The following ALG1 variants were observed in gnomAD, a reference collection of about 807,000 sequenced individuals.
ALG1 encodes the protein ALG1 chitobiosyldiphosphodolichol beta-mannosyltransferase, also known as chitobiosyldiphosphodolichol beta-mannosyltransferase.
Under a neutral mutation model 55.1 loss-of-function variants are expected in ALG1, and 58 were observed. The observed-to-expected ratio is 1.05, with a 90% CI of 0.85 to 1.31. ALG1 has a LOEUF of 1.31. ALG1 is among the 50% of genes most tolerant of loss of function. The pLI is 0.00. For missense variants in ALG1, 761 were observed against 598.6 expected (o/e 1.27, Z -2.83); for synonymous variants, 309 against 247.0 (o/e 1.25, Z -2.35).
Position 5,078,504 on chromosome 16 carries a change from GGAT to G in ALG1, c.741-249_741-247del, listed in dbSNP as rs1956955867. ...CCTGCACCCTCATCTTGAGTCCAGG[GGAT>G]GATAAGACAGTAAGTCCCGTGGAGA... On this transcript the variant is annotated intron_variant, in intron 6 of 12. Coordinates refer to ENST00000262374, the MANE Select transcript of ALG1 (RefSeq NM_019109.5). 3 of 725,744 alleles carry G rather than the reference GGAT, an allele frequency of 4.1e-6. No homozygotes were observed. In the East Asian group the frequency reaches 8.8e-5, roughly 21 times the overall value. 45.0% of individuals were successfully genotyped at this position (725,744 alleles called of 1,614,324 possible). A position where few individuals can be genotyped will look rare whatever the true frequency, so the allele number is the denominator to read the frequency against.
intron 3 of ALG1, among the ~76,000 whole-genome samples, chr16:5,073,667 G>C (rs1156289877): frequency 6.6e-6 from 1 of 152,254 alleles, no homozygotes; most frequent in African/African-American, 2.4e-5. Context: ...TAGGTCGTCA[G>C]TGTGGTTCTA....
rs865826964 is a variant in ALG1 at position 5,078,702 on chromosome 16, C to A, written c.741-55C>A. 1.9e-6 allele frequency: 3 copies of A among 1,611,700 alleles called. No individual in the cohort carries two copies. The African/African-American group carries it at 4.0e-5, about 22-fold the overall frequency. ...CTCGCCACGGCAGGAGATGCCTCTCCTGGGTCCCGGGCCTGCTCTATGGCC... is the reference window on the plus strand; with the variant it reads ...CTCGCCACGGCAGGAGATGCCTCTCATGGGTCCCGGGCCTGCTCTATGGCC... On this transcript the variant is annotated intron_variant, in intron 6 of 12. Transcript: ENST00000262374.
Position 5,085,789 on chromosome 16 carries a change from G to T in ALG1, c.*908G>T. 7.6e-7 allele frequency: 1 copy of T among 1,322,156 alleles called. No individual in the cohort carries two copies. The highest frequency in any genetic ancestry group is 1.1e-6 in the Non-Finnish European group (1 of 915,898). The allele number at this position is 1,322,156 out of a possible 1,614,324, so 81.9% of individuals were successfully genotyped here. On this transcript the variant is annotated 3_prime_UTR_variant, in exon 13 of 13. Transcript: ENST00000262374. ...CGGTGTTTGGGGACAGGACATGAGG[G>T]TATTGTGTGGGGCTGCTAGGACAGG...
Position 5,085,926 on chromosome 16 carries a change from T to A in ALG1, c.*1045T>A, listed in dbSNP as rs1287937228. 2.6e-5 allele frequency among the ~76,000 whole-genome samples: 4 copies of A among 152,168 alleles called. No homozygotes were observed. Among genetic ancestry groups the A allele is most frequent in the African/African-American group, 9.7e-5 (4 of 41,430 alleles). The stretch of plus-strand genomic sequence containing the variant: ...ATGGGACCAGAAAGCTGGTTTTGCA[T>A]AGAAATGGCTAGCAGCAGGCACCGT... On this transcript the variant is annotated 3_prime_UTR_variant, in exon 13 of 13. Coordinates refer to ENST00000262374, the MANE Select transcript of ALG1 (RefSeq NM_019109.5).
chr16:5,072,187 G>T (rs1011783549), intron 1 of ALG1, 130 bp downstream of exon 1: 5 of 1,402,506 alleles, frequency 3.6e-6, no homozygotes, highest in Non-Finnish European at 3.7e-6. Context: ...GAGATTAGAC[G>T]AGCGGTTCTG....
rs143906919 is a variant in ALG1 at position 5,078,780 on chromosome 16, C to G, written c.764C>G (p.Thr255Arg). ...RARSEPEDPVTERSAFTERDA... is the reference protein window; with the variant it reads ...RARSEPEDPVRERSAFTERDA... ...AGCTCAGAACCTGAGGACCCAGTCACGGAGCGGTCGGCCTTCACGGAGCGG... is the reference window on the plus strand; with the variant it reads ...AGCTCAGAACCTGAGGACCCAGTCAGGGAGCGGTCGGCCTTCACGGAGCGG... Residue 255 changes from threonine to arginine, a missense_variant, in exon 7 of 13, where the codon ACG (threonine) becomes AGG (arginine). Coordinates refer to ENST00000262374, the MANE Select transcript of ALG1 (RefSeq NM_019109.5). 9 of 1,612,900 alleles carry G rather than the reference C, an allele frequency of 5.6e-6. No homozygotes were observed. The East Asian group carries it at 2.0e-4, about 36-fold the overall frequency.
rs1450811219 is a variant in ALG1 at position 5,085,272 on chromosome 16, G to GC, written c.*391_*392insC. 2 of 492,782 alleles carry GC rather than the reference G, an allele frequency of 4.1e-6. No homozygotes were observed. Among genetic ancestry groups the GC allele is most frequent in the African/African-American group, 3.9e-5 (2 of 51,594 alleles). The allele number at this position is 492,782 out of a possible 1,614,324, so 30.5% of individuals were successfully genotyped here. A position where few individuals can be genotyped will look rare whatever the true frequency, so the allele number is the denominator to read the frequency against. On this transcript the variant is annotated 3_prime_UTR_variant, in exon 13 of 13. Coordinates refer to ENST00000262374, the MANE Select transcript of ALG1 (RefSeq NM_019109.5). ...AGCACCTGCTGCACCGTAAGCCCAG[G>GC]GATGTGGCAGCTGCAGTGGGCTTGG...
At chr16:5,073,326 C>A in intron 3 of ALG1, 70 bp downstream of exon 3, 1 of 1,357,788 alleles carries the variant, frequency 7.4e-7, no homozygotes, top group Non-Finnish European at 1.0e-6. Context: ...CAAATTGGTA[C>A]TATATTGCAT....
intron 4 of ALG1, among the ~76,000 whole-genome samples, chr16:5,076,659 G>A (rs1041916169): frequency 6.6e-6 from 1 of 152,212 alleles, no homozygotes; most frequent in Non-Finnish European, 1.5e-5. Context: ...CTCAGTCTCC[G>A]TTAGGAGAGA....
chr16:5,077,811 TC>T, intron 5 of ALG1, 95 bp from the exon 6 acceptor site: 1 of 1,214,018 alleles, frequency 8.2e-7, no homozygotes, highest in Non-Finnish European at 1.2e-6. Flanking sequence ...AGACTTGGAT[TC>T]CCCAAGCGTC....
rs1957129807 is a variant in ALG1 at position 5,085,623 on chromosome 16, G to A, written c.*742G>A. 1.3e-6 allele frequency: 2 copies of A among 1,571,626 alleles called. No homozygotes were observed. Among genetic ancestry groups the A allele is most frequent in the Non-Finnish European group, 1.7e-6 (2 of 1,143,084 alleles). On this transcript the variant is annotated 3_prime_UTR_variant, in exon 13 of 13. Transcript: ENST00000262374. ...ATTCTCACAATCCCGTTGGAGTCGT[G>A]TGTGAGTCCTACAGGGTGAGATTCA...
intron 3 of ALG1, 33 bp downstream of exon 3, chr16:5,073,289 G>A (rs770192033): frequency 8.8e-6 from 14 of 1,585,286 alleles, no homozygotes; most frequent in Non-Finnish European, 1.1e-5. Flanking sequence ...CTCTGTGAGA[G>A]CCATGTTAGC....
rs772634565 is a variant in ALG1, at chr16:5,071,989, C to T, written c.140C>T (p.Pro47Leu). ...AVVLGDVGRS[P>L]RMQYHALSLA... The stretch of plus-strand genomic sequence containing the variant: ...GTGCTGGGCGACGTGGGCCGCAGCC[C>T]CCGTATGCAGTACCACGCGCTGTCG... The change falls in exon 1 of 13, where the codon CCC (proline) becomes CTC (leucine). Residue 47 changes from proline to leucine, a missense_variant. Physicochemically the swap from Pro to Leu is moderately conservative, Grantham distance 98. Coordinates refer to ENST00000262374, the MANE Select transcript of ALG1 (RefSeq NM_019109.5). The T allele has an allele frequency of 1.3e-6, 2 of 1,597,060 alleles. No homozygotes were observed. The highest frequency in any genetic ancestry group is 1.1e-5 in the South Asian group (1 of 88,818).
At chr16:5,073,074 G>C in intron 2 of ALG1, 46 bp downstream of exon 2, 1 of 1,611,494 alleles carries the variant, frequency 6.2e-7, no homozygotes, top group Non-Finnish European at 8.5e-7. Context: ...ATGGGCTGGG[G>C]GCAGGGGGTG....
At chr16:5,080,849 G>A in intron 9 of ALG1, 97 bp from the exon 10 acceptor site, 3 of 1,504,890 alleles carry the variant, frequency 2.0e-6, no homozygotes, top group Non-Finnish European at 2.7e-6. Flanking sequence ...GGAGCTTCTG[G>A]GAAAGGGATC....
At position 5,085,111 on chromosome 16, in the gene ALG1, A is replaced by G. The variant is rs1957109600; in HGVS notation, c.*230A>G. 3 of 731,114 alleles carry G rather than the reference A, an allele frequency of 4.1e-6. No individual in the cohort carries two copies. The highest frequency in any genetic ancestry group is 6.7e-6 in the Non-Finnish European group (3 of 450,320). 45.3% of individuals were successfully genotyped at this position (731,114 alleles called of 1,614,324 possible). On this transcript the variant is annotated 3_prime_UTR_variant, in exon 13 of 13. Transcript: ENST00000262374. ...CGCTTCCTCTCTTCTTCTGTTCTTC[A>G]CGCCCCATGCCCCTGCTAGCGTATT...
In ALG1 at chr16:5,082,634, T is replaced by G; in HGVS notation, c.1148T>G (p.Phe383Cys). Residue 383 changes from phenylalanine to cysteine, a missense_variant, in exon 11 of 13, where the codon TTC (phenylalanine) becomes TGC (cysteine). Phe to Cys is a radical substitution (Grantham distance 205). Coordinates refer to ENST00000262374, the MANE Select transcript of ALG1 (RefSeq NM_019109.5). ...LDLPMKVVDMFGCCLPVCAVN... is the reference protein window; with the variant it reads ...LDLPMKVVDMCGCCLPVCAVN... Reference sequence around the variant, plus strand: ...CTGCCCATGAAGGTGGTGGACATGTTCGGGTGCTGTTTGCCTGTGTGTGCT... The same window carrying G: ...CTGCCCATGAAGGTGGTGGACATGTGCGGGTGCTGTTTGCCTGTGTGTGCT... 6.2e-7 allele frequency: 1 copy of G among 1,611,966 alleles called. No individual in the cohort carries two copies. Among genetic ancestry groups the G allele is most frequent in the Non-Finnish European group, 8.5e-7 (1 of 1,179,854 alleles).
chr16:5,085,041 G>C lies in ALG1; in HGVS notation c.*160G>C. 1 of 1,365,358 alleles carries C rather than the reference G, an allele frequency of 7.3e-7. No individual in the cohort carries two copies. The highest frequency in any genetic ancestry group is 1.0e-6 in the Non-Finnish European group (1 of 996,290). The allele number at this position is 1,365,358 out of a possible 1,614,324, so 84.6% of individuals were successfully genotyped here. On this transcript the variant is annotated 3_prime_UTR_variant, in exon 13 of 13. Transcript: ENST00000262374. ...GGTAAAAGAATTGGTTCTGTGACCC[G>C]GGAAGCTTTGGTTGGCCTTGATTTC... is the stretch of plus-strand genomic sequence containing the variant.
At chr16:5,081,821 C>T (rs1288104590) in intron 10 of ALG1, among the ~76,000 whole-genome samples, 1 of 151,976 alleles carries the variant, frequency 6.6e-6, no homozygotes, top group Non-Finnish European at 1.5e-5. Flanking sequence ...CTTGGCCTTC[C>T]TAAGTGCTTG....
Sources: allele counts gnomAD v4.1 joint callset (sites outside exome capture counted in the v4.1 genomes callset), GRCh38; gene constraint gnomAD v4.1.1; transcripts MANE v1.5; gene names NCBI Gene and HGNC (gene_info 2026-07-23, HGNC 2026-07-21).